PLXDC2: variants seen among roughly 807,000 people sequenced by gnomAD.
The protein encoded by PLXDC2 is plexin domain-containing protein 2.
In PLXDC2, 40 loss-of-function variants were observed where a neutral mutation model predicts 68.9. The ratio of observed to expected loss-of-function variants is 0.58; its 90% CI spans 0.45 to 0.76. The LOEUF (loss-of-function observed/expected upper bound fraction) is 0.76. PLXDC2 is among the 30% of genes least tolerant of loss of function. The probability of loss-of-function intolerance (pLI) is 0.00; values close to 1 mark genes in which losing one functional copy is unlikely to be tolerated. For synonymous variants in PLXDC2, 243 were observed against 234.2 expected, an observed-to-expected ratio of 1.04 and a Z score of -0.34; for missense variants, 644 against 661.9, an observed-to-expected ratio of 0.97 and a Z score of 0.30.
At chr10:20,099,834 T>C (rs1833399098) in intron 4 of PLXDC2, among the ~76,000 whole-genome samples, 1 of 151,944 alleles carries the variant, frequency 6.6e-6, no homozygotes. Flanking sequence ...TATTTTTGTT[T>C]TTAGTAATTC....
At chr10:20,210,335 T>C (rs943659213) in intron 9 of PLXDC2, among the ~76,000 whole-genome samples, 1 of 152,202 alleles carries the variant, frequency 6.6e-6, no homozygotes, top group Non-Finnish European at 1.5e-5. Context: ...AAATATCTTA[T>C]TGTACTGTAC....
intron 7 of PLXDC2, among the ~76,000 whole-genome samples, chr10:20,170,340 C>A (rs918766574): frequency 9.9e-5 from 15 of 152,160 alleles, no homozygotes; most frequent in African/African-American, 3.4e-4. Flanking sequence ...ACAGGTGCAT[C>A]CACCACGCCC....
intron 2 of PLXDC2, among the ~76,000 whole-genome samples, chr10:20,025,872 T>C (rs1423663272): frequency 6.6e-6 from 1 of 151,880 alleles, no homozygotes; most frequent in Non-Finnish European, 1.5e-5. Context: ...CATTGAGTAA[T>C]AATTTTAATT....
At chr10:20,066,033 G>T (rs1836204731) in intron 3 of PLXDC2, among the ~76,000 whole-genome samples, 1 of 152,238 alleles carries the variant, frequency 6.6e-6, no homozygotes, top group South Asian at 2.1e-4. Context: ...TTGGAGAAGA[G>T]TATCAGTAGC....
chr10:19,998,654 C>T (rs887511441), intron 1 of PLXDC2, among the ~76,000 whole-genome samples: 2 of 152,132 alleles, frequency 1.3e-5, no homozygotes, highest in African/African-American at 4.8e-5. Context: ...TCTTTGCAAA[C>T]ACAATTAGAG....
intron 1 of PLXDC2, among the ~76,000 whole-genome samples, chr10:19,876,126 C>T (rs921160860): frequency 5.3e-5 from 8 of 152,038 alleles, no homozygotes; most frequent in Admixed American, 3.9e-4. Flanking sequence ...CCTGTTTACA[C>T]TATGGGTCTG....
chr10:19,877,671 C>T (rs1837658293), intron 1 of PLXDC2, among the ~76,000 whole-genome samples: 1 of 152,238 alleles, frequency 6.6e-6, no homozygotes, highest in South Asian at 2.1e-4. Context: ...ACCGGCGTTC[C>T]CGAATGACCT....
At chr10:20,135,458 A>G (rs12218616) in intron 4 of PLXDC2, among the ~76,000 whole-genome samples, 1,883 of 152,328 alleles carry the variant, frequency 0.012, 45 homozygotes, top group East Asian at 0.081. Flanking sequence ...AACATGTTAC[A>G]TGAATTTCTT....
intron 1 of PLXDC2, among the ~76,000 whole-genome samples, chr10:19,919,355 G>T (rs1174036254): frequency 1.3e-5 from 2 of 151,924 alleles, no homozygotes; most frequent in African/African-American, 2.4e-5. Flanking sequence ...ACATTATCTT[G>T]CATGTAGGCA....
chr10:19,881,284 CTGTGTATTT>C, intron 1 of PLXDC2, among the ~76,000 whole-genome samples: 1 of 152,058 alleles, frequency 6.6e-6, no homozygotes, highest in East Asian at 1.9e-4. Context: ...CCTGGCTAAT[CTGTGTATTT>C]TTGGTAGACA....
At chr10:19,881,807 T>C (rs557861016) in intron 1 of PLXDC2, among the ~76,000 whole-genome samples, 131 of 152,326 alleles carry the variant, frequency 8.6e-4, no homozygotes, top group African/African-American at 2.3e-3. Context: ...GGCATGGTAA[T>C]TTATTAGCAA....
intron 13 of PLXDC2, among the ~76,000 whole-genome samples, chr10:20,253,224 G>T (rs536138755): frequency 6.6e-6 from 1 of 151,854 alleles, no homozygotes; most frequent in East Asian, 1.9e-4. Flanking sequence ...AATTAGATGG[G>T]CATGGTAGTG....
intron 1 of PLXDC2, among the ~76,000 whole-genome samples, chr10:19,944,455 A>C (rs1833868505): frequency 6.6e-6 from 1 of 152,078 alleles, no homozygotes; most frequent in South Asian, 2.1e-4. Flanking sequence ...TGTAGGGTTT[A>C]GTGAAGTTCA....
chr10:20,005,886 G>C (rs982049760), intron 2 of PLXDC2, among the ~76,000 whole-genome samples: 3 of 152,086 alleles, frequency 2.0e-5, no homozygotes, highest in Admixed American at 6.5e-5. Context: ...TACGTATCCT[G>C]GCTCTTGAAA....
chr10:19,977,050 A>G (rs1026910768), intron 1 of PLXDC2, among the ~76,000 whole-genome samples: 5 of 152,150 alleles, frequency 3.3e-5, no homozygotes, highest in Admixed American at 2.6e-4. Context: ...ATCTCATGGC[A>G]TAATATCTGT....
chr10:20,092,525 T>C (rs1361058404), intron 4 of PLXDC2, among the ~76,000 whole-genome samples: 2 of 152,102 alleles, frequency 1.3e-5, no homozygotes, highest in Non-Finnish European at 2.9e-5. Context: ...TGTTTAAATT[T>C]TGGAAATATA....
At chr10:19,847,144 C>G (rs887512414) in intron 1 of PLXDC2, among the ~76,000 whole-genome samples, 2 of 152,170 alleles carry the variant, frequency 1.3e-5, no homozygotes, top group African/African-American at 4.8e-5. Flanking sequence ...AACCACAACA[C>G]TTCCCCCAAA....
chr10:20,152,941 A>C (rs1367295913), intron 6 of PLXDC2, among the ~76,000 whole-genome samples: 3 of 152,188 alleles, frequency 2.0e-5, no homozygotes, highest in African/African-American at 7.2e-5. Context: ...AGATAACTTT[A>C]ATACTGTACA....
At chr10:19,899,227 C>T (rs1199548916) in intron 1 of PLXDC2, among the ~76,000 whole-genome samples, 2 of 152,148 alleles carry the variant, frequency 1.3e-5, no homozygotes, top group Admixed American at 6.6e-5. Flanking sequence ...GACTTTTGCC[C>T]TTAAAGCTGC....
Sources: allele counts gnomAD v4.1 joint callset (sites outside exome capture counted in the v4.1 genomes callset), GRCh38; gene constraint gnomAD v4.1.1; transcripts MANE v1.5; gene names NCBI Gene and HGNC (gene_info 2026-07-23, HGNC 2026-07-21).